DNER: variants seen among roughly 807,000 people sequenced by gnomAD.
DNER encodes the protein delta/notch like EGF repeat containing.
A neutral mutation model predicts 78.2 loss-of-function variants in DNER; 33 were observed. That is an observed-to-expected ratio of 0.42 (90% CI 0.32 to 0.56). The LOEUF is 0.56. Ranked by LOEUF, DNER falls within the 20% of genes least tolerant of loss-of-function variation. The pLI is 0.11. For synonymous variants in DNER, 417 were observed against 384.8 expected, an observed-to-expected ratio of 1.08 and a Z score of -0.98; for missense variants, 918 against 975.3, an observed-to-expected ratio of 0.94 and a Z score of 0.78.
chr2:229,569,229 G>A (rs1303357124), intron 4 of DNER, among the ~76,000 whole-genome samples: 1 of 152,132 alleles, frequency 6.6e-6, no homozygotes, highest in Non-Finnish European at 1.5e-5. Flanking sequence ...AGATGTTCTA[G>A]TCCCTTACAT....
At chr2:229,629,932 G>T (rs910303478) in intron 1 of DNER, among the ~76,000 whole-genome samples, 1 of 152,156 alleles carries the variant, frequency 6.6e-6, no homozygotes, top group African/African-American at 2.4e-5. Context: ...ATATTAGAAG[G>T]TTATTATGAC....
At chr2:229,394,261 G>A (rs895326469) in intron 10 of DNER, among the ~76,000 whole-genome samples, 14 of 152,152 alleles carry the variant, frequency 9.2e-5, no homozygotes, top group African/African-American at 3.4e-4. Context: ...CGATTGTCCT[G>A]CACATCCCTT....
chr2:229,489,125 C>T (rs1695339692), intron 6 of DNER, among the ~76,000 whole-genome samples: 1 of 152,246 alleles, frequency 6.6e-6, no homozygotes, highest in Non-Finnish European at 1.5e-5. Flanking sequence ...CCCGGCCCAG[C>T]TGGGCTTTGC....
rs756900125 is a variant in DNER at position 229,591,899 on chromosome 2, A to G, written c.277-11T>C. 3.1e-5 allele frequency: 47 copies of G among 1,521,176 alleles called. No individual in the cohort carries two copies. Among genetic ancestry groups the G allele is most frequent in the Non-Finnish European group, 4.0e-5 (46 of 1,137,210 alleles). The allele number at this position is 1,521,176 out of a possible 1,614,324, so 94.2% of individuals were successfully genotyped here. On this transcript the variant is annotated splice_polypyrimidine_tract_variant and intron_variant, in intron 1 of 12. Coordinates refer to ENST00000341772, the MANE Select transcript of DNER (RefSeq NM_139072.4). The surrounding 1 kb of genome is among the most constrained non-coding windows in gnomAD (Gnocchi z 4.6). ...AGGATCTGCAACAAGCTGAAACGAG[A>G]CCATAAATGGGTCAATTATTCCCTC...
At position 229,477,221 on chromosome 2, in the gene DNER, C is replaced by A. The variant is rs774000987; in HGVS notation, c.1180G>T (p.Asp394Tyr). The A allele has an allele frequency of 6.2e-7, 1 of 1,613,572 alleles. No individual in the cohort carries two copies. The highest frequency in any genetic ancestry group is 1.1e-5 in the South Asian group (1 of 90,952). ...YTGELCQSKI[D>Y]YCILDPCRNG... is the part of the protein sequence containing the mutation. ...CTGCATGGGTCTAGGATGCAGTAAT[C>A]AATCTTGGACTGGCAAAGCTCTCCA... Residue 394 changes from aspartate to tyrosine, a missense_variant, in exon 7 of 13, where the codon GAT becomes TAT. By Grantham distance (160) the Asp-to-Tyr change is radical. Coordinates refer to ENST00000341772, the MANE Select transcript of DNER (RefSeq NM_139072.4).
intron 8 of DNER, among the ~76,000 whole-genome samples, chr2:229,445,834 A>G (rs1694330843): frequency 6.6e-6 from 1 of 152,196 alleles, no homozygotes; most frequent in South Asian, 2.1e-4. Flanking sequence ...CATTGTTACA[A>G]AGCAGATTAA....
At chr2:229,621,878 A>G (rs4542838) in intron 1 of DNER, among the ~76,000 whole-genome samples, 152,098 of 152,290 alleles carry the variant, frequency 1, 75,953 homozygotes, top group East Asian at 1. Context: ...GAGGTCAGGA[A>G]ATCGAGACCA....
intron 11 of DNER, among the ~76,000 whole-genome samples, chr2:229,382,800 T>C (rs1692773930): frequency 6.6e-6 from 1 of 152,214 alleles, no homozygotes; most frequent in East Asian, 1.9e-4. Flanking sequence ...TTGGTGTACT[T>C]GAAAGTGACG....
intron 11 of DNER, among the ~76,000 whole-genome samples, chr2:229,378,636 G>A (rs948340172): frequency 6.6e-6 from 1 of 152,168 alleles, no homozygotes; most frequent in Non-Finnish European, 1.5e-5. Context: ...GTGTACATCT[G>A]AGCTTTTCTG....
At chr2:229,435,178 G>A (rs1042362332) in intron 8 of DNER, among the ~76,000 whole-genome samples, 2 of 152,306 alleles carry the variant, frequency 1.3e-5, no homozygotes, top group South Asian at 2.1e-4. Context: ...TTCTGTTGCT[G>A]CTTTCGGAAC....
At chr2:229,423,992 G>T (rs1025930023) in intron 8 of DNER, among the ~76,000 whole-genome samples, 1 of 152,186 alleles carries the variant, frequency 6.6e-6, no homozygotes, top group Non-Finnish European at 1.5e-5. Context: ...GTCTGCAAAC[G>T]CAGTATTCAC....
chr2:229,478,433 G>T (rs746204226), intron 6 of DNER, among the ~76,000 whole-genome samples: 2 of 152,186 alleles, frequency 1.3e-5, no homozygotes, highest in Non-Finnish European at 2.9e-5. Context: ...GAATGTGGAG[G>T]CATTCATTTG....
chr2:229,595,785 G>C (rs1303294151), intron 1 of DNER, among the ~76,000 whole-genome samples: 1 of 152,246 alleles, frequency 6.6e-6, no homozygotes, highest in Non-Finnish European at 1.5e-5. Context: ...TCTCAAGGCT[G>C]CTCCTGAGCC....
In DNER at chr2:229,534,624, T is replaced by A. The variant is rs184779940; in HGVS notation, c.993+12323A>T. On this transcript the variant is annotated intron_variant, in intron 5 of 12. Coordinates refer to ENST00000341772, the MANE Select transcript of DNER (RefSeq NM_139072.4). ...TTCTTAGACTTCAACCAAAACAACATACTGCAACAGATTGAATACAAAAGC... is the reference window on the plus strand; with the variant it reads ...TTCTTAGACTTCAACCAAAACAACAAACTGCAACAGATTGAATACAAAAGC... Among the ~76,000 whole-genome samples the A allele has an allele frequency of 5.9e-5, 9 of 152,312 alleles. No homozygotes were observed. The East Asian group carries it at 1.2e-3, about 20-fold the overall frequency.
rs543369494 is a variant in DNER at position 229,597,095 on chromosome 2, A to G, written c.277-5207T>C. Among the ~76,000 whole-genome samples, 7 of 62,008 alleles carry G rather than the reference A, an allele frequency of 1.1e-4. No homozygotes were observed. In the Admixed American group the frequency reaches 1.4e-3, roughly 12 times the overall value. The allele number at this position is 62,008 out of a possible 152,430, so 40.7% of individuals were successfully genotyped here. ...CACAAACATGTGTGCACACATGCAC[A>G]CACACATGCACACACACATGCACAC... On this transcript the variant is annotated intron_variant, in intron 1 of 12. Transcript: ENST00000341772.
intron 8 of DNER, among the ~76,000 whole-genome samples, chr2:229,434,208 C>T (rs544128954): frequency 1.4e-4 from 21 of 152,282 alleles, no homozygotes; most frequent in Admixed American, 1.0e-3. Flanking sequence ...CTTTCATTCC[C>T]CTATCACTGG....
chr2:229,477,224 T>C lies in DNER; in HGVS notation c.1177A>G (p.Ile393Val), dbSNP rs765774752. 3 of 1,613,752 alleles carry C rather than the reference T, an allele frequency of 1.9e-6. No individual in the cohort carries two copies. Among genetic ancestry groups the C allele is most frequent in the South Asian group, 1.1e-5 (1 of 91,008 alleles). The change falls in exon 7 of 13, where the codon ATT (isoleucine) becomes GTT (valine). Residue 393 changes from isoleucine (I) to valine (V), a missense_variant. Coordinates refer to ENST00000341772, the MANE Select transcript of DNER (RefSeq NM_139072.4). ...GYTGELCQSKIDYCILDPCRN... is the reference protein window; with the variant it reads ...GYTGELCQSKVDYCILDPCRN... Reference sequence around the variant, plus strand: ...CATGGGTCTAGGATGCAGTAATCAATCTTGGACTGGCAAAGCTCTCCAGTA... The same window carrying C: ...CATGGGTCTAGGATGCAGTAATCAACCTTGGACTGGCAAAGCTCTCCAGTA...
chr2:229,591,523 G>T lies in DNER; in HGVS notation c.585+57C>A. 1 of 1,537,026 alleles carries T rather than the reference G, an allele frequency of 6.5e-7. No individual in the cohort carries two copies. The highest frequency in any genetic ancestry group is 1.4e-5 in the African/African-American group (1 of 72,784). On this transcript the variant is annotated intron_variant, in intron 2 of 12. Coordinates refer to ENST00000341772, the MANE Select transcript of DNER (RefSeq NM_139072.4). The surrounding 1 kb of genome is among the most constrained non-coding windows in gnomAD (Gnocchi z 4.6). ...AATTGCTGATACTAGAACCGCTGGA[G>T]TCACTTTAAGATTTCTGGTTTCTAA...
chr2:229,436,537 G>A (rs1461169291), intron 8 of DNER, among the ~76,000 whole-genome samples: 2 of 152,092 alleles, frequency 1.3e-5, no homozygotes, highest in Admixed American at 1.3e-4. Context: ...AATGTTAAAG[G>A]CAGCTAGAGA....
Sources: gnomAD v4.1 joint callset for allele counts (sites outside exome capture counted in the v4.1 genomes callset) on GRCh38, gnomAD v4.1.1 for gene constraint, Gnocchi (gnomAD v3.1) non-coding constraint, MANE v1.5 for transcripts, NCBI Gene and HGNC (gene_info 2026-07-23, HGNC 2026-07-21) for gene names.